The following TTLL10 variants were observed in gnomAD, a reference collection of about 807,000 sequenced individuals.
The protein encoded by TTLL10 is tubulin tyrosine ligase like 10.
TTLL10 carries 61 observed loss-of-function variants against 69.0 expected under a neutral mutation model. The ratio of observed to expected loss-of-function variants is 0.88; its 90% CI spans 0.72 to 1.09. The LOEUF (loss-of-function observed/expected upper bound fraction) is 1.09. Among genes scored for constraint, TTLL10 ranks in the 50% least tolerant of loss-of-function variants. TTLL10 has a pLI of 0.00. For missense variants in TTLL10, 962 were observed against 945.9 expected (o/e 1.02, Z -0.22); for synonymous variants, 408 against 393.3 (o/e 1.04, Z -0.44).
chr1:1,181,783 G>A lies in TTLL10; in HGVS notation c.798G>A (p.Pro266=), dbSNP rs775404667. ...CAGCGCCCGCCCTGGAGGACCTCCC[G>A]TGGACAAGCCCAGGATACCTCAGGC... ...DAAAPALEDL[P]WTSPGYLRPQ... is the part of the protein sequence containing the mutation. The change falls in exon 9 of 16, where the codon CCG becomes CCA. Residue 266 remains proline, a synonymous_variant. Coordinates refer to ENST00000379289, the MANE Select transcript of TTLL10 (RefSeq NM_001130045.2). The surrounding 1 kb of genome is among the most constrained non-coding windows in gnomAD (Gnocchi z 4.6). The A allele has an allele frequency of 6.6e-5, 106 of 1,609,194 alleles. No individual in the cohort carries two copies. The highest frequency in any genetic ancestry group is 7.0e-5 in the Non-Finnish European group (83 of 1,178,780).
intron 14 of TTLL10, 142 bp downstream of exon 14, chr1:1,196,858 G>A (rs1325122532): frequency 2.6e-6 from 2 of 766,326 alleles, no homozygotes; most frequent in African/African-American, 1.7e-5. Flanking sequence ...GGGGATGGGT[G>A]TATCCATGAG....
rs1276093343 is a variant in TTLL10, at chr1:1,180,816, G to C, written c.711G>C (p.Arg237=). 4 of 1,600,502 alleles carry C rather than the reference G, an allele frequency of 2.5e-6. No individual in the cohort carries two copies. Among genetic ancestry groups the C allele is most frequent in the African/African-American group, 2.7e-5 (2 of 74,240 alleles). Residue 237 remains arginine, a synonymous_variant, in exon 8 of 16, where the codon CGG becomes CGC. Coordinates refer to ENST00000379289, the MANE Select transcript of TTLL10 (RefSeq NM_001130045.2). ...TCAGCACCCTTCGGGGACGGGCACG[G>C]GCCATGAGCAAGGCCAGCAAGGTGC... ...GLLSTLRGRA[R]AMSKASKVPG... is the part of the protein sequence containing the mutation.
Position 1,179,184 on chromosome 1 carries a change from T to C in TTLL10, c.-27-5T>C. The C allele has an allele frequency of 2.7e-6, 4 of 1,506,826 alleles. No individual in the cohort carries two copies. Among genetic ancestry groups the C allele is most frequent in the Non-Finnish European group, 2.7e-6 (3 of 1,123,638 alleles). The allele number at this position is 1,506,826 out of a possible 1,614,324, so 93.3% of individuals were successfully genotyped here. ...AGGAGGGTCAGAGCGGCATCTTCCC[T>C]TCAGGGCCCTCGCCCGGGCACCCCC... is the stretch of plus-strand genomic sequence containing the variant. On this transcript the variant is annotated splice_polypyrimidine_tract_variant and splice_region_variant and intron_variant, in intron 3 of 15. Transcript: ENST00000379289.
intron 13 of TTLL10, among the ~76,000 whole-genome samples, chr1:1,194,203 C>A (rs1245642503): frequency 6.6e-6 from 1 of 152,078 alleles, no homozygotes; most frequent in East Asian, 1.9e-4. Context: ...TTTATTAATA[C>A]CAAGTTAATT....
intron 13 of TTLL10, among the ~76,000 whole-genome samples, chr1:1,193,708 A>G (rs920796872): frequency 6.6e-6 from 1 of 151,486 alleles, no homozygotes; most frequent in Non-Finnish European, 1.5e-5. Context: ...CAGGTGATCT[A>G]CCCGCCTCAG....
chr1:1,180,005 AC>A, intron 5 of TTLL10, 28 bp from the exon 6 acceptor site: 1 of 1,493,206 alleles, frequency 6.7e-7, no homozygotes, highest in Non-Finnish European at 8.9e-7. Flanking sequence ...TCCCGTAGCC[AC>A]CCCGGTGGGA....
Position 1,197,580 on chromosome 1 carries a change from G to T in TTLL10, c.1755G>T (p.Trp585Cys), listed in dbSNP as rs1042747232. 9.2e-6 allele frequency: 14 copies of T among 1,513,866 alleles called. No homozygotes were observed. The African/African-American group carries it at 2.0e-4, about 21-fold the overall frequency. 93.8% of individuals were successfully genotyped at this position (1,513,866 alleles called of 1,614,324 possible). The part of the protein sequence containing the change: ...HLGGSCSLRR[W>C]PPLPTRQAKS... The stretch of plus-strand genomic sequence containing the variant: ...GGGGCTCGTGCAGCCTCCGCCGCTG[G>T]CCGCCCCTGCCCACCCGCCAGGCCA... The change falls in exon 16 of 16, where the codon TGG (tryptophan) becomes TGT (cysteine). Residue 585 changes from tryptophan to cysteine, a missense_variant. Physicochemically the swap from Trp to Cys is radical, Grantham distance 215. Transcript: ENST00000379289.
At position 1,185,862 on chromosome 1, in the gene TTLL10, A is replaced by G. The variant is rs1647279643; in HGVS notation, c.1401+753A>G. 2.0e-6 allele frequency: 2 copies of G among 983,200 alleles called. No homozygotes were observed. Among genetic ancestry groups the G allele is most frequent in the Non-Finnish European group, 2.4e-6 (2 of 827,938 alleles). The allele number at this position is 983,200 out of a possible 1,614,324, so 60.9% of individuals were successfully genotyped here. On this transcript the variant is annotated intron_variant, in intron 13 of 15. Coordinates refer to ENST00000379289, the MANE Select transcript of TTLL10 (RefSeq NM_001130045.2). The surrounding 1 kb of genome is among the most constrained non-coding windows in gnomAD (Gnocchi z 6.1). The stretch of plus-strand genomic sequence containing the variant: ...CACAGAACATAAAATTCACGATCTT[A>G]AAGTGTGCAGTTCAGTGGCTTTTAG...
At chr1:1,190,879 G>A (rs1342873716) in intron 13 of TTLL10, among the ~76,000 whole-genome samples, 2 of 151,772 alleles carry the variant, frequency 1.3e-5, no homozygotes, top group Non-Finnish European at 2.9e-5. Flanking sequence ...AGGCTGGAGT[G>A]TAATGGCGCA....
rs1446637433 is a variant in TTLL10 at position 1,180,858 on chromosome 1, C to T, written c.753C>T (p.Ala251=). 6.4e-7 allele frequency: 1 copy of T among 1,564,610 alleles called. No homozygotes were observed. The highest frequency in any genetic ancestry group is 1.2e-5 in the South Asian group (1 of 85,194). The change falls in exon 8 of 16, where the codon GCC becomes GCT. Residue 251 remains alanine (A), a splice_region_variant and synonymous_variant. Coordinates refer to ENST00000379289, the MANE Select transcript of TTLL10 (RefSeq NM_001130045.2). ...GCAAGGTGCCGGGGGGGGTCCAGGC[C>T]AGGTGAGTCTGCCCCTGCCCCTGCC... ...KASKVPGGVQ[A]RLEKDAAAPA... is the part of the protein sequence containing the mutation.
At chr1:1,179,167 C>T in intron 3 of TTLL10, 22 bp from the exon 4 acceptor site, 3 of 1,454,112 alleles carry the variant, frequency 2.1e-6, no homozygotes, top group Non-Finnish European at 2.8e-6. Flanking sequence ...ACAGGAGGGT[C>T]AGAGCGGCAT....
At chr1:1,191,633 G>A (rs1329850809) in intron 13 of TTLL10, among the ~76,000 whole-genome samples, 4 of 152,140 alleles carry the variant, frequency 2.6e-5, no homozygotes, top group East Asian at 1.9e-4. Context: ...CTAACCCGGC[G>A]GCGCTAGAGG....
Position 1,181,016 on chromosome 1 carries a change from GC to G in TTLL10, c.755+160del. On this transcript the variant is annotated intron_variant, in intron 8 of 15. Coordinates refer to ENST00000379289, the MANE Select transcript of TTLL10 (RefSeq NM_001130045.2). This position sits in a 1 kb window ranked among gnomAD's most constrained non-coding sequence, Gnocchi z 4.6. ...GGCTCCCAGGCTGGCTCCAGCCCCT[GC>G]CCCTGCCCTTGCCCCTGCCCCTGGC... 1 of 589,914 alleles carries G rather than the reference GC, an allele frequency of 1.7e-6. No homozygotes were observed. Among genetic ancestry groups the G allele is most frequent in the Non-Finnish European group, 2.6e-6 (1 of 380,876 alleles). The allele number at this position is 589,914 out of a possible 1,614,324, so 36.5% of individuals were successfully genotyped here. A position where few individuals can be genotyped will look rare whatever the true frequency, so the allele number is the denominator to read the frequency against.
Position 1,197,448 on chromosome 1 carries a change from C to T in TTLL10, c.1623C>T (p.Leu541=), listed in dbSNP as rs753271141. ...GVVIETLDLV[L]ETFRKSLRGQ... is the part of the protein sequence containing the mutation. ...CCCCACCCGCACCAGACCTGGTGCT[C>T]GAGACCTTCCGGAAGAGCCTGCGCG... Residue 541 remains leucine (L), a synonymous_variant, in exon 16 of 16, where the codon CTC becomes CTT. Coordinates refer to ENST00000379289, the MANE Select transcript of TTLL10 (RefSeq NM_001130045.2). 1.1e-5 allele frequency: 17 copies of T among 1,524,758 alleles called. No homozygotes were observed. Among genetic ancestry groups the T allele is most frequent in the African/African-American group, 1.4e-5 (1 of 71,972 alleles). 94.5% of individuals were successfully genotyped at this position (1,524,758 alleles called of 1,614,324 possible). A position where few individuals can be genotyped will look rare whatever the true frequency, so the allele number is the denominator to read the frequency against.
chr1:1,189,371 G>A (rs535585696), intron 13 of TTLL10, among the ~76,000 whole-genome samples: 3 of 152,280 alleles, frequency 2.0e-5, no homozygotes, highest in South Asian at 2.1e-4. Flanking sequence ...TGAGATGAGT[G>A]TGTCTTATTT....
At position 1,180,082 on chromosome 1, in the gene TTLL10, G is replaced by C; in HGVS notation, c.248G>C (p.Arg83Pro). The C allele has an allele frequency of 6.2e-7, 1 of 1,604,766 alleles. No homozygotes were observed. The highest frequency in any genetic ancestry group is 8.5e-7 in the Non-Finnish European group (1 of 1,175,512). The change falls in exon 6 of 16, where the codon CGG becomes CCG. Residue 83 changes from arginine (R) to proline (P), a missense_variant. Physicochemically the swap from Arg to Pro is moderately radical, Grantham distance 103 (BLOSUM62 -2). Transcript: ENST00000379289. ...GGGAGCAGCCAGGAGGAGGGACTCC[G>C]GTGTCAGCCAAGCCAGCCAGACCAC... ...PMGSSQEEGL[R>P]CQPSQPDHDA...
chr1:1,177,497 G>C (rs772579074), intron 3 of TTLL10, among the ~76,000 whole-genome samples: 1 of 152,174 alleles, frequency 6.6e-6, no homozygotes. Flanking sequence ...ATTTTTAGTA[G>C]AGACAAGGTT....
In TTLL10 at chr1:1,197,559, C is replaced by T. The variant is rs976474559; in HGVS notation, c.1734C>T (p.Gly578=). ...CCGACCCGCGGCCGCACCTGGGGGGCTCGTGCAGCCTCCGCCGCTGGCCGC... is the reference window on the plus strand; with the variant it reads ...CCGACCCGCGGCCGCACCTGGGGGGTTCGTGCAGCCTCCGCCGCTGGCCGC... ...GEADPRPHLG[G]SCSLRRWPPL... Residue 578 remains glycine (G), a synonymous_variant, in exon 16 of 16, where the codon GGC becomes GGT. Transcript: ENST00000379289. 3.3e-6 allele frequency: 5 copies of T among 1,516,640 alleles called. No homozygotes were observed. In the South Asian group the frequency reaches 4.9e-5, roughly 15 times the overall value. 93.9% of individuals were successfully genotyped at this position (1,516,640 alleles called of 1,614,324 possible). A position where few individuals can be genotyped will look rare whatever the true frequency, so the allele number is the denominator to read the frequency against.
chr1:1,181,601 C>A lies in TTLL10; in HGVS notation c.756-140C>A. 1 of 728,460 alleles carries A rather than the reference C, an allele frequency of 1.4e-6. No homozygotes were observed. Among genetic ancestry groups the A allele is most frequent in the Non-Finnish European group, 2.3e-6 (1 of 434,166 alleles). 45.1% of individuals were successfully genotyped at this position (728,460 alleles called of 1,614,324 possible). On this transcript the variant is annotated intron_variant, in intron 8 of 15. Coordinates refer to ENST00000379289, the MANE Select transcript of TTLL10 (RefSeq NM_001130045.2). This position sits in a 1 kb window ranked among gnomAD's most constrained non-coding sequence, Gnocchi z 4.6. ...CAACACAGCTGTTTCCCCCAGGCAC[C>A]GCCGTCCACCCAGCCACCTCCTTCC...
Sources: gnomAD v4.1 joint callset for allele counts (sites outside exome capture counted in the v4.1 genomes callset) on GRCh38, gnomAD v4.1.1 for gene constraint, Gnocchi (gnomAD v3.1) non-coding constraint, MANE v1.5 for transcripts, NCBI Gene and HGNC (gene_info 2026-07-23, HGNC 2026-07-21) for gene names.